Variants in RTKN observed in about 807,000 individuals in gnomAD.
RTKN encodes the protein rhotekin.
RTKN carries 49 observed loss-of-function variants against 63.5 expected under a neutral mutation model. That is an observed-to-expected ratio of 0.77 (90% CI 0.61 to 0.98). RTKN has a LOEUF of 0.98. RTKN is among the 50% of genes least tolerant of loss of function. The pLI is 0.00. For missense variants in RTKN, 685 were observed against 740.8 expected, an observed-to-expected ratio of 0.92 and a Z score of 0.87; for synonymous variants, 295 against 290.4, an observed-to-expected ratio of 1.02 and a Z score of -0.16.
At chr2:74,431,625 C>A (rs1445718813) in intron 2 of RTKN, 2 of 152,390 alleles carry the variant, frequency 1.3e-5, no homozygotes, top group African/African-American at 4.8e-5. Flanking sequence ...TGCCCTTCCT[C>A]TAGCTTCATG....
At chr2:74,440,119 G>T in intron 1 of RTKN, 1 of 498,936 alleles carries the variant, frequency 2.0e-6, no homozygotes, top group African/African-American at 2.0e-5. Context: ...GGGAAACGAC[G>T]CCTCATGCAG....
Position 74,429,916 on chromosome 2 carries a change from G to A in RTKN, c.667C>T (p.Arg223Cys), listed in dbSNP as rs755618505. 26 of 1,614,052 alleles carry A rather than the reference G, an allele frequency of 1.6e-5. No individual in the cohort carries two copies. The East Asian group carries it at 3.1e-4, about 19-fold the overall frequency. Residue 223 changes from arginine to cysteine, a missense_variant, in exon 6 of 12, where the codon CGC becomes TGC. Transcript: ENST00000272430. ...LATKLSSSLG[R>C]SSGRRVRASL... is the part of the protein sequence containing the mutation. ...GCCCGGACACGCCTCCCTGAGGAGC[G>A]GCCCAGGGAGCTGCTGAGTTTGGTG...
chr2:74,426,172 C>T lies in RTKN; in HGVS notation c.*71G>A, dbSNP rs570237802. ...CTGGCCAACTTGCTATAGACAGCGC[C>T]GTATCCAGAGCCCAACTGCGCATGG... On this transcript the variant is annotated 3_prime_UTR_variant, in exon 12 of 12. Transcript: ENST00000272430. 4.8e-5 allele frequency: 67 copies of T among 1,383,432 alleles called. No individual in the cohort carries two copies. The highest frequency in any genetic ancestry group is 2.3e-4 in the Admixed American group (13 of 56,098). The allele number at this position is 1,383,432 out of a possible 1,614,324, so 85.7% of individuals were successfully genotyped here. A position where few individuals can be genotyped will look rare whatever the true frequency, so the allele number is the denominator to read the frequency against.
rs1257370402 is a variant in RTKN at position 74,440,090 on chromosome 2, G to A, written c.111+1616C>T. The A allele has an allele frequency of 5.5e-6, 4 of 722,618 alleles. No homozygotes were observed. In the East Asian group the frequency reaches 2.9e-4, roughly 52 times the overall value. 44.8% of individuals were successfully genotyped at this position (722,618 alleles called of 1,614,324 possible). ...GTGCGGAGAGGGCAGTGAGGGGCAGGCACAACTGGAAGGGGGCAGGGAAAC... is the reference window on the plus strand; with the variant it reads ...GTGCGGAGAGGGCAGTGAGGGGCAGACACAACTGGAAGGGGGCAGGGAAAC... On this transcript the variant is annotated intron_variant, in intron 1 of 11. Transcript: ENST00000272430.
At chr2:74,432,056 G>A (rs1291670294) in intron 2 of RTKN, 1 of 316,220 alleles carries the variant, frequency 3.2e-6, no homozygotes, top group East Asian at 9.1e-5. Context: ...CCCACTCCCT[G>A]CCTCTGAAGG....
At chr2:74,430,981 C>A in intron 2 of RTKN, 1 of 377,514 alleles carries the variant, frequency 2.6e-6, no homozygotes, top group South Asian at 6.3e-5. Flanking sequence ...ACAGGTGCAG[C>A]CTTGAGGGGA....
chr2:74,430,431 C>T (rs760558084), intron 4 of RTKN, 34 bp downstream of exon 4: 1 of 1,610,300 alleles, frequency 6.2e-7, no homozygotes, highest in Non-Finnish European at 8.5e-7. Flanking sequence ...CAGGGTCATT[C>T]CCCTGAATTT....
chr2:74,434,553 T>G (rs1264851076), intron 1 of RTKN, among the ~76,000 whole-genome samples: 1 of 152,080 alleles, frequency 6.6e-6, no homozygotes, highest in Non-Finnish European at 1.5e-5. Context: ...GTGCTGGGAT[T>G]GCAGGTGTGA....
rs781348240 is a variant in RTKN at position 74,428,702 on chromosome 2, C to T, written c.886G>A (p.Val296Met). ...GGCTGAGCTGCCAGACGGCAACACACGCTACCATAAAGGGGCAGCCAGGCA... is the reference window on the plus strand; with the variant it reads ...GGCTGAGCTGCCAGACGGCAACACATGCTACCATAAAGGGGCAGCCAGGCA... The part of the protein sequence containing the change: ...NPAWLPLYGS[V>M]CCRLAAQPLC... The change falls in exon 8 of 12, where the codon GTG becomes ATG. Residue 296 changes from valine to methionine, a missense_variant. Physicochemically the swap from Val to Met is conservative, Grantham distance 21. Transcript: ENST00000272430. 45 of 1,613,874 alleles carry T rather than the reference C, an allele frequency of 2.8e-5. 1 individual carries two copies. The highest frequency in any genetic ancestry group is 1.6e-4 in the Middle Eastern group (1 of 6,082).
chr2:74,428,627 T>A lies in RTKN; in HGVS notation c.957+4A>T. The A allele has an allele frequency of 6.2e-7, 1 of 1,611,082 alleles. No homozygotes were observed. Among genetic ancestry groups the A allele is most frequent in the Non-Finnish European group, 8.5e-7 (1 of 1,178,006 alleles). On this transcript the variant is annotated splice_donor_region_variant and intron_variant, in intron 8 of 11. Transcript: ENST00000272430. ...CTCCCTTCCACTCCTCAGGGCCCCC[T>A]CACCTGCACCCTGAGGGTACCACTT...
chr2:74,428,603 T>A, intron 8 of RTKN, 28 bp downstream of exon 8: 1 of 1,588,988 alleles, frequency 6.3e-7, no homozygotes, highest in Non-Finnish European at 8.6e-7. Flanking sequence ...TTCTCCCTGC[T>A]CCCTTCCACT....
intron 6 of RTKN, among the ~76,000 whole-genome samples, chr2:74,429,515 A>G (rs1670615380): frequency 1.3e-5 from 2 of 152,188 alleles, no homozygotes; most frequent in South Asian, 4.1e-4. Flanking sequence ...ACTTGAGCCC[A>G]GGAGTTCGAG....
chr2:74,427,070 C>A (rs1014920976), intron 11 of RTKN, 99 bp downstream of exon 11: 1 of 1,519,890 alleles, frequency 6.6e-7, no homozygotes, highest in African/African-American at 1.4e-5. Context: ...TGGTGTAGCC[C>A]AGAGTGTGCT....
rs1420934178 is a variant in RTKN, at chr2:74,426,372, C to T, written c.1563G>A (p.Leu521=). The change falls in exon 12 of 12, where the codon CTG becomes CTA. Residue 521 remains leucine, a synonymous_variant. Coordinates refer to ENST00000272430, the MANE Select transcript of RTKN (RefSeq NM_001015055.2). ...LPWGRPRTFS[L]DAVPPDHSPR... ...GGGAGTGGTCTGGGGGGACAGCATC[C>T]AGGGAAAAGGTTCGGGGTCTCCCCC... 1.9e-6 allele frequency: 3 copies of T among 1,611,266 alleles called. No individual in the cohort carries two copies. Among genetic ancestry groups the T allele is most frequent in the Non-Finnish European group, 2.5e-6 (3 of 1,178,592 alleles).
chr2:74,432,041 C>G (rs183302351), intron 2 of RTKN: 66 of 314,378 alleles, frequency 2.1e-4, no homozygotes, highest in African/African-American at 1.4e-3. Context: ...TTTCTTATTT[C>G]CTTTCCCACT....
At chr2:74,431,024 C>T (rs1294974975) in intron 2 of RTKN, 2 of 283,430 alleles carry the variant, frequency 7.1e-6, no homozygotes, top group African/African-American at 4.3e-5. Flanking sequence ...ATTTCCAGGG[C>T]TCTCCATTAA....
At chr2:74,438,123 G>A (rs11694367) in intron 1 of RTKN, among the ~76,000 whole-genome samples, 20,826 of 152,044 alleles carry the variant, frequency 0.14, 1,818 homozygotes, top group East Asian at 0.46. Context: ...TTGCAGTCCT[G>A]CCTCTGACCT....
Position 74,426,192 on chromosome 2 carries a change from G to C in RTKN, c.*51C>G. ...AGCGCCGTATCCAGAGCCCAACTGCGCATGGGTCATTTTCTCTTCTGGGCA... is the reference window on the plus strand; with the variant it reads ...AGCGCCGTATCCAGAGCCCAACTGCCCATGGGTCATTTTCTCTTCTGGGCA... On this transcript the variant is annotated 3_prime_UTR_variant, in exon 12 of 12. Coordinates refer to ENST00000272430, the MANE Select transcript of RTKN (RefSeq NM_001015055.2). The C allele has an allele frequency of 6.6e-7, 1 of 1,524,072 alleles. No homozygotes were observed. The allele number at this position is 1,524,072 out of a possible 1,614,324, so 94.4% of individuals were successfully genotyped here.
intron 1 of RTKN, among the ~76,000 whole-genome samples, chr2:74,441,081 G>C (rs1671341236): frequency 6.6e-6 from 1 of 152,268 alleles, no homozygotes; most frequent in Non-Finnish European, 1.5e-5. Context: ...AGGTTAACGC[G>C]TGGACGGCGG....
Sources: gnomAD v4.1 joint callset for allele counts (sites outside exome capture counted in the v4.1 genomes callset) on GRCh38, gnomAD v4.1.1 for gene constraint, MANE v1.5 for transcripts, NCBI Gene and HGNC (gene_info 2026-07-23, HGNC 2026-07-21) for gene names.